The following SOX6 variants were observed in gnomAD, a reference collection of about 807,000 sequenced individuals.
SOX6 encodes SRY-box transcription factor 6.
In SOX6, 11 loss-of-function variants were observed where a neutral mutation model predicts 97.8. That is an observed-to-expected ratio of 0.11 (90% CI 0.07 to 0.19). The LOEUF (loss-of-function observed/expected upper bound fraction) is 0.19. Ranked by LOEUF, SOX6 falls within the 10% of genes least tolerant of loss-of-function variation. The pLI, the probability that SOX6 is intolerant of heterozygous loss-of-function variation, is 1.00. For missense variants in SOX6, 810 were observed against 1,039.5 expected (o/e 0.78, Z 3.04); for synonymous variants, 360 against 371.4 (o/e 0.97, Z 0.35).
At chr11:16,019,421 T>A (rs370682687) in intron 12 of SOX6, among the ~76,000 whole-genome samples, 7 of 152,154 alleles carry the variant, frequency 4.6e-5, no homozygotes, top group East Asian at 3.9e-4. Context: ...CCATGGAACA[T>A]ACAACTAAGG....
intron 3 of SOX6, among the ~76,000 whole-genome samples, chr11:16,677,020 A>C (rs1847889269): frequency 6.6e-6 from 1 of 151,768 alleles, no homozygotes; most frequent in South Asian, 2.1e-4. Context: ...CTTTTTGGTT[A>C]CTCTATTGTT....
chr11:16,583,911 T>C (rs1034222621), intron 4 of SOX6, among the ~76,000 whole-genome samples: 3 of 152,064 alleles, frequency 2.0e-5, no homozygotes, highest in African/African-American at 7.2e-5. Flanking sequence ...CTCTGCATTC[T>C]CATCAGCATT....
At chr11:16,492,510 AG>A (rs1283021344) in intron 4 of SOX6, among the ~76,000 whole-genome samples, 1 of 152,240 alleles carries the variant, frequency 6.6e-6, no homozygotes. Flanking sequence ...TAAGTGCTTC[AG>A]ACTCTCCTCC....
intron 3 of SOX6, among the ~76,000 whole-genome samples, chr11:16,247,295 T>C (rs775142350): frequency 6.6e-6 from 1 of 152,168 alleles, no homozygotes; most frequent in Non-Finnish European, 1.5e-5. Flanking sequence ...ATGTACCACA[T>C]TTTATATCCA....
At chr11:16,381,224 GT>G (rs1445522760) in intron 1 of SOX6, among the ~76,000 whole-genome samples, 1 of 151,970 alleles carries the variant, frequency 6.6e-6, no homozygotes, top group Non-Finnish European at 1.5e-5. Context: ...ATCCTTGATA[GT>G]GAAGAATTTC....
At chr11:16,343,472 T>A (rs901337904) in intron 1 of SOX6, among the ~76,000 whole-genome samples, 1 of 151,902 alleles carries the variant, frequency 6.6e-6, no homozygotes, top group East Asian at 1.9e-4. Flanking sequence ...AACAGTCTCT[T>A]AAGAATAATT....
chr11:16,015,049 T>C lies in SOX6; in HGVS notation c.1625A>G (p.Glu542Gly), dbSNP rs1854842636. 3.1e-6 allele frequency: 5 copies of C among 1,612,356 alleles called. No individual in the cohort carries two copies. The East Asian group carries it at 1.1e-4, about 36-fold the overall frequency. ...MGLNSCRNEK[E>G]RTRFENLGPQ... ...CCCCAAATTCTCAAAGCGCGTTCTT[T>C]CCTAGAGGAACAAATAATCAGAGGC... Residue 542 changes from glutamate (E) to glycine (G), a missense_variant and splice_region_variant, in exon 13 of 16, where the codon GAA becomes GGA. By Grantham distance (98) the Glu-to-Gly change is moderately conservative. This residue lies in a region of SOX6 where 120 missense variants were observed against 127.0 expected (regional missense o/e 0.94). Transcript: ENST00000683767.
chr11:16,570,057 C>A (rs1208097234), intron 4 of SOX6, among the ~76,000 whole-genome samples: 29 of 152,044 alleles, frequency 1.9e-4, no homozygotes, highest in Admixed American at 1.9e-3. Flanking sequence ...GCTCACCCTT[C>A]AGCAATGCCC....
intron 4 of SOX6, among the ~76,000 whole-genome samples, chr11:16,189,040 G>A (rs1851560104): frequency 6.6e-6 from 1 of 152,146 alleles, no homozygotes; most frequent in South Asian, 2.1e-4. Context: ...TCCAGCCTGG[G>A]TGTAGGAGTG....
chr11:16,140,925 T>C (rs1344067459), intron 6 of SOX6, among the ~76,000 whole-genome samples: 1 of 152,114 alleles, frequency 6.6e-6, no homozygotes, highest in African/African-American at 2.4e-5. Flanking sequence ...CTGGGCACAG[T>C]GGCTCACACT....
chr11:16,498,932 T>C (rs911943536), intron 4 of SOX6, among the ~76,000 whole-genome samples: 4 of 152,134 alleles, frequency 2.6e-5, no homozygotes, highest in South Asian at 2.1e-4. Flanking sequence ...CATCCAGGAA[T>C]TGAACTCAGC....
At chr11:16,248,109 C>G (rs528856996) in intron 3 of SOX6, among the ~76,000 whole-genome samples, 2 of 152,182 alleles carry the variant, frequency 1.3e-5, no homozygotes, top group Non-Finnish European at 2.9e-5. Context: ...AAAATGACCT[C>G]CTTTGACTCC....
chr11:16,383,082 A>C (rs1857877074), intron 1 of SOX6, among the ~76,000 whole-genome samples: 2 of 152,000 alleles, frequency 1.3e-5, no homozygotes, highest in Admixed American at 1.3e-4. Flanking sequence ...TTTAGCAAAG[A>C]ATGCACTCAC....
chr11:16,451,465 G>C (rs1199747042), intron 1 of SOX6, among the ~76,000 whole-genome samples: 1 of 152,058 alleles, frequency 6.6e-6, no homozygotes, highest in East Asian at 1.9e-4. Context: ...CAGAGCACAT[G>C]CTAGTAAACA....
chr11:15,977,017 G>A (rs1311598986), intron 15 of SOX6, among the ~76,000 whole-genome samples: 6 of 151,842 alleles, frequency 4.0e-5, no homozygotes, highest in Admixed American at 6.6e-5. Context: ...TCATTGCCTC[G>A]TCCAACCTAC....
chr11:16,045,011 A>G (rs984863561), intron 12 of SOX6, among the ~76,000 whole-genome samples: 3 of 151,582 alleles, frequency 2.0e-5, no homozygotes, highest in African/African-American at 7.3e-5. Context: ...ATCTATCTTA[A>G]CCTCATCTCT....
At chr11:16,598,270 G>A (rs1848233181) in intron 4 of SOX6, among the ~76,000 whole-genome samples, 1 of 151,958 alleles carries the variant, frequency 6.6e-6, no homozygotes, top group Non-Finnish European at 1.5e-5. Flanking sequence ...TGGGAGGAGA[G>A]GAGCTGACTT....
chr11:16,063,326 T>C (rs1305046089), intron 9 of SOX6, among the ~76,000 whole-genome samples: 1 of 150,764 alleles, frequency 6.6e-6, no homozygotes, highest in Non-Finnish European at 1.5e-5. Flanking sequence ...CTTCAGTGCC[T>C]TCCAGTACAC....
At chr11:16,131,199 G>GA (rs372373410) in intron 6 of SOX6, among the ~76,000 whole-genome samples, 58 of 147,312 alleles carry the variant, frequency 3.9e-4, no homozygotes, top group African/African-American at 1.3e-3. Context: ...CTGCCAAAAA[G>GA]AAAAAAAAAT....
Sources: gnomAD v4.1 joint callset for allele counts (sites outside exome capture counted in the v4.1 genomes callset) on GRCh38, gnomAD v4.1.1 for gene constraint, gnomAD v4.1.1 regional missense constraint, MANE v1.5 for transcripts, NCBI Gene and HGNC (gene_info 2026-07-23, HGNC 2026-07-21) for gene names.